Variants in SERAC1 observed in about 807,000 individuals in gnomAD.
SERAC1 encodes the protein protein SERAC1.
In SERAC1, 36 loss-of-function variants were observed where a neutral mutation model predicts 85.7. That is an observed-to-expected ratio of 0.42 (90% CI 0.32 to 0.55). The LOEUF is 0.55. Among genes scored for constraint, SERAC1 ranks in the 20% least tolerant of loss-of-function variants. SERAC1 has a pLI of 0.11. For synonymous variants in SERAC1, 242 were observed against 265.3 expected (o/e 0.91, Z 0.85); for missense variants, 629 against 796.2 (o/e 0.79, Z 2.53).
chr6:158,150,719 T>C, intron 3 of SERAC1, 130 bp from the exon 4 acceptor site: 1 of 689,372 alleles, frequency 1.5e-6, no homozygotes, highest in South Asian at 1.8e-5. Flanking sequence ...TACAGTAATA[T>C]GCATATAACA....
At chr6:158,160,018 T>A (rs1785450310) in intron 1 of SERAC1, among the ~76,000 whole-genome samples, 1 of 152,226 alleles carries the variant, frequency 6.6e-6, no homozygotes. Flanking sequence ...TTATTCTTTG[T>A]TGCGAGCAGA....
chr6:158,144,204 C>A (rs950406255), intron 7 of SERAC1, 95 bp downstream of exon 7: 2 of 942,782 alleles, frequency 2.1e-6, no homozygotes, highest in Non-Finnish European at 3.1e-6. Flanking sequence ...AAGTAGCCAA[C>A]AACTACTTTT....
At chr6:158,126,083 T>C (rs971807442) in intron 10 of SERAC1, among the ~76,000 whole-genome samples, 1 of 152,198 alleles carries the variant, frequency 6.6e-6, no homozygotes, top group Admixed American at 6.5e-5. Context: ...AACACACATA[T>C]ATGTGTACAT....
At chr6:158,111,733 C>T (rs150892111) in intron 16 of SERAC1, 3 of 342,466 alleles carry the variant, frequency 8.8e-6, no homozygotes, top group African/African-American at 4.2e-5. Flanking sequence ...ATGAACTTTT[C>T]GTATGTGTTC....
intron 8 of SERAC1, among the ~76,000 whole-genome samples, chr6:158,141,537 C>T (rs1490882954): frequency 6.6e-6 from 1 of 152,132 alleles, no homozygotes; most frequent in Non-Finnish European, 1.5e-5. Context: ...TGTCTAGGAG[C>T]CCCCAGGGTC....
chr6:158,127,394 G>A (rs1390436382), intron 10 of SERAC1, among the ~76,000 whole-genome samples: 110 of 56,600 alleles, frequency 1.9e-3, no homozygotes, highest in Admixed American at 3.5e-3. Flanking sequence ...CCCCCTGCCC[G>A]GCCAGCCGCC....
chr6:158,160,365 C>G (rs1222958758), intron 1 of SERAC1, among the ~76,000 whole-genome samples: 1 of 152,194 alleles, frequency 6.6e-6, no homozygotes. Context: ...CAATCTGTGG[C>G]AAACAAATAC....
rs371769524 is a variant in SERAC1 at position 158,149,251 on chromosome 6, C to T, written c.266-297G>A. 5.3e-5 allele frequency among the ~76,000 whole-genome samples: 8 copies of T among 152,350 alleles called. No individual in the cohort carries two copies. The East Asian group carries it at 1.5e-3, about 29-fold the overall frequency. On this transcript the variant is annotated intron_variant, in intron 4 of 16. Coordinates refer to ENST00000647468, the MANE Select transcript of SERAC1 (RefSeq NM_032861.4). ...TCATGATCCGCCCTCCTCGGCCTCC[C>T]AAAGTGCTGGGATTACAGGCGTGAG... is the stretch of plus-strand genomic sequence containing the variant.
At chr6:158,145,044 GAC>G (rs1785021690) in intron 6 of SERAC1, among the ~76,000 whole-genome samples, 1 of 152,126 alleles carries the variant, frequency 6.6e-6, no homozygotes, top group Admixed American at 6.5e-5. Flanking sequence ...AGGAGTTCAA[GAC>G]CAGCCTGGCC....
chr6:158,116,440 C>T (rs1784291938), intron 13 of SERAC1, 158 bp from the exon 14 acceptor site: 1 of 600,932 alleles, frequency 1.7e-6, no homozygotes, highest in African/African-American at 1.8e-5. Context: ...ATATAAAATA[C>T]CCCTATTCTC....
intron 8 of SERAC1, among the ~76,000 whole-genome samples, chr6:158,140,014 A>G (rs1490647078): frequency 6.6e-6 from 1 of 152,262 alleles, no homozygotes; most frequent in African/African-American, 2.4e-5. Flanking sequence ...AAAGTTACTT[A>G]CCATAACACC....
chr6:158,118,950 A>T, intron 12 of SERAC1, 79 bp downstream of exon 12: 1 of 1,520,926 alleles, frequency 6.6e-7, no homozygotes, highest in Non-Finnish European at 8.9e-7. Flanking sequence ...CAGAACAAAG[A>T]GAAAAACAAG....
Position 158,150,609 on chromosome 6 carries a change from A to G in SERAC1, c.129-20T>C. ...GAACCTCTTAAAGAGAAAAGAAAAA[A>G]TGCATCATAAATAGACAATCAAAAT... On this transcript the variant is annotated intron_variant, in intron 3 of 16. Coordinates refer to ENST00000647468, the MANE Select transcript of SERAC1 (RefSeq NM_032861.4). 1 of 1,525,208 alleles carries G rather than the reference A, an allele frequency of 6.6e-7. No homozygotes were observed. Among genetic ancestry groups the G allele is most frequent in the Non-Finnish European group, 9.0e-7 (1 of 1,112,196 alleles). The allele number at this position is 1,525,208 out of a possible 1,614,324, so 94.5% of individuals were successfully genotyped here.
In SERAC1 at chr6:158,111,276, T is replaced by C; in HGVS notation, c.*90A>G. 8.3e-7 allele frequency: 1 copy of C among 1,209,018 alleles called. No individual in the cohort carries two copies. Among genetic ancestry groups the C allele is most frequent in the Non-Finnish European group, 1.1e-6 (1 of 871,806 alleles). 74.9% of individuals were successfully genotyped at this position (1,209,018 alleles called of 1,614,324 possible). Reference sequence around the variant, plus strand: ...CCATGTTGACGCTATGATCACTATGTTTGCATGATTGCATAGAGCTTAAAA... The same window carrying C: ...CCATGTTGACGCTATGATCACTATGCTTGCATGATTGCATAGAGCTTAAAA... On this transcript the variant is annotated 3_prime_UTR_variant, in exon 17 of 17. Transcript: ENST00000647468.
chr6:158,151,535 C>T (rs2128422694), intron 3 of SERAC1, among the ~76,000 whole-genome samples: 2 of 152,244 alleles, frequency 1.3e-5, no homozygotes, highest in Admixed American at 1.3e-4. Flanking sequence ...CATTCTCTCA[C>T]CTCAGCCTCC....
In SERAC1 at chr6:158,117,724, T is replaced by G; in HGVS notation, c.1403+3A>C. 6.2e-7 allele frequency: 1 copy of G among 1,614,052 alleles called. No homozygotes were observed. The highest frequency in any genetic ancestry group is 8.5e-7 in the Non-Finnish European group (1 of 1,179,906). ...CCTCCTGGTCTAAAGTCGCCTCTGT[T>G]ACCTTTCCATAGGGCACCTTGCTCT... On this transcript the variant is annotated splice_donor_region_variant and intron_variant, in intron 13 of 16. Transcript: ENST00000647468. The surrounding 1 kb of genome is among the most constrained non-coding windows in gnomAD (Gnocchi z 4.3).
Position 158,120,103 on chromosome 6 carries a change from C to T in SERAC1, c.1166+322G>A, listed in dbSNP as rs1216087484. On this transcript the variant is annotated intron_variant, in intron 11 of 16. Coordinates refer to ENST00000647468, the MANE Select transcript of SERAC1 (RefSeq NM_032861.4). The surrounding 1 kb of genome is among the most constrained non-coding windows in gnomAD (Gnocchi z 4.4). ...TTCTACAATCCAAATCAGTTATTAA[C>T]TCAGATCTAAGTGAAAATGCCTTGA... Among the ~76,000 whole-genome samples the T allele has an allele frequency of 6.6e-6, 1 of 152,156 alleles. No individual in the cohort carries two copies. Among genetic ancestry groups the T allele is most frequent in the Non-Finnish European group, 1.5e-5 (1 of 68,040 alleles).
intron 3 of SERAC1, among the ~76,000 whole-genome samples, chr6:158,154,993 G>A (rs929759670): frequency 4.0e-5 from 6 of 151,106 alleles, no homozygotes; most frequent in Non-Finnish European, 1.5e-5. Context: ...TAAGCCTGCC[G>A]GAGCTGAGTG....
chr6:158,158,151 AG>A (rs765429652), intron 2 of SERAC1, 121 bp downstream of exon 2: 149 of 654,640 alleles, frequency 2.3e-4, no homozygotes, highest in Non-Finnish European at 3.6e-4. Flanking sequence ...TAGTACAGAA[AG>A]ACATAAACAA....
Sources: gnomAD v4.1 joint callset for allele counts (sites outside exome capture counted in the v4.1 genomes callset) on GRCh38, gnomAD v4.1.1 for gene constraint, Gnocchi (gnomAD v3.1) non-coding constraint, MANE v1.5 for transcripts, NCBI Gene and HGNC (gene_info 2026-07-23, HGNC 2026-07-21) for gene names.